Variants in GALNT17 observed in about 807,000 individuals in gnomAD.
GALNT17 encodes the protein polypeptide N-acetylgalactosaminyltransferase 17.
In GALNT17, 29 loss-of-function variants were observed where a neutral mutation model predicts 63.7. The ratio of observed to expected loss-of-function variants is 0.46; its 90% CI spans 0.34 to 0.62. The LOEUF (loss-of-function observed/expected upper bound fraction) is 0.62. Among genes scored for constraint, GALNT17 ranks in the 20% least tolerant of loss-of-function variants. The pLI is 0.01. For synonymous variants in GALNT17, 305 were observed against 318.3 expected, an observed-to-expected ratio of 0.96 and a Z score of 0.45; for missense variants, 603 against 799.6, an observed-to-expected ratio of 0.75 and a Z score of 2.97.
At chr7:71,524,244 AAT>A (rs1788586916) in intron 5 of GALNT17, among the ~76,000 whole-genome samples, 2 of 147,290 alleles carry the variant, frequency 1.4e-5, no homozygotes, top group Admixed American at 6.8e-5. Context: ...TATATATAAT[AAT>A]AATATATATT....
chr7:71,386,446 C>T (rs754915215), intron 2 of GALNT17, among the ~76,000 whole-genome samples: 2 of 152,096 alleles, frequency 1.3e-5, no homozygotes, highest in African/African-American at 2.4e-5. Flanking sequence ...GCAGGTACCT[C>T]GGCACTCCAT....
intron 1 of GALNT17, among the ~76,000 whole-genome samples, chr7:71,328,806 A>T (rs1396715887): frequency 6.6e-6 from 1 of 152,134 alleles, no homozygotes; most frequent in Non-Finnish European, 1.5e-5. Flanking sequence ...TGCCTTTCAT[A>T]ATGGAAGCAA....
rs764435149 is a variant in GALNT17, at chr7:71,712,137, C to T, written c.1788C>T (p.Ser596=). ...CTGQRWTIKN[S]IK is the part of the protein sequence containing the mutation. ...GTCAGAGGTGGACCATTAAGAACTCCATCAAGTAGAGGGAGGGAGCTGGGG... is the reference window on the plus strand; with the variant it reads ...GTCAGAGGTGGACCATTAAGAACTCTATCAAGTAGAGGGAGGGAGCTGGGG... Residue 596 remains serine (S), a synonymous_variant, in exon 11 of 11, where the codon TCC becomes TCT. Transcript: ENST00000333538. 3 of 1,613,078 alleles carry T rather than the reference C, an allele frequency of 1.9e-6. No homozygotes were observed. The highest frequency in any genetic ancestry group is 2.2e-5 in the South Asian group (2 of 90,970).
intron 1 of GALNT17, among the ~76,000 whole-genome samples, chr7:71,161,844 A>T (rs1415511151): frequency 6.6e-6 from 1 of 152,044 alleles, no homozygotes; most frequent in East Asian, 1.9e-4. Flanking sequence ...TGAGGTGTCT[A>T]TTCTGTTTCA....
chr7:71,318,856 A>G (rs1314599761), intron 1 of GALNT17, among the ~76,000 whole-genome samples: 2 of 152,170 alleles, frequency 1.3e-5, no homozygotes, highest in Non-Finnish European at 2.9e-5. Context: ...AGAACAATAA[A>G]TTCAGTACGG....
chr7:71,593,498 A>C, intron 6 of GALNT17, among the ~76,000 whole-genome samples: 1 of 152,008 alleles, frequency 6.6e-6, no homozygotes, highest in East Asian at 1.9e-4. Flanking sequence ...TCTCTTGACC[A>C]CGTGATCTGC....
At chr7:71,607,849 C>A (rs776214371) in intron 6 of GALNT17, among the ~76,000 whole-genome samples, 1 of 152,140 alleles carries the variant, frequency 6.6e-6, no homozygotes, top group Non-Finnish European at 1.5e-5. Flanking sequence ...TTCCTTCTTC[C>A]TTCTTGATGG....
At chr7:71,260,614 T>C (rs1371637795) in intron 1 of GALNT17, among the ~76,000 whole-genome samples, 1 of 151,510 alleles carries the variant, frequency 6.6e-6, no homozygotes, top group Non-Finnish European at 1.5e-5. Context: ...TTTTAATCTT[T>C]TTTTTTTTGA....
intron 4 of GALNT17, among the ~76,000 whole-genome samples, chr7:71,417,324 A>G (rs892633831): frequency 1.4e-4 from 21 of 152,308 alleles, no homozygotes; most frequent in African/African-American, 4.8e-4. Context: ...ACCCAGGGCC[A>G]CTGATAACAC....
At chr7:71,617,840 T>G (rs758579895) in intron 6 of GALNT17, among the ~76,000 whole-genome samples, 1 of 151,930 alleles carries the variant, frequency 6.6e-6, no homozygotes, top group Admixed American at 6.6e-5. Context: ...AGAGACAGGA[T>G]TTCACCATAT....
chr7:71,649,059 C>T (rs1211233769), intron 6 of GALNT17, among the ~76,000 whole-genome samples: 2 of 152,228 alleles, frequency 1.3e-5, no homozygotes, highest in African/African-American at 4.8e-5. Context: ...GTTCTGCCCC[C>T]ATTACCCAGC....
At chr7:71,142,570 A>G (rs1447146997) in intron 1 of GALNT17, among the ~76,000 whole-genome samples, 1 of 152,230 alleles carries the variant, frequency 6.6e-6, no homozygotes, top group Non-Finnish European at 1.5e-5. Flanking sequence ...AGGTGCAGAG[A>G]TCATGCTTAC....
At chr7:71,541,044 G>C (rs894239017) in intron 5 of GALNT17, among the ~76,000 whole-genome samples, 3 of 151,984 alleles carry the variant, frequency 2.0e-5, no homozygotes, top group Admixed American at 2.0e-4. Flanking sequence ...TTTGAGACCA[G>C]CCTGGCCAAT....
intron 6 of GALNT17, among the ~76,000 whole-genome samples, chr7:71,609,577 T>A (rs1343351225): frequency 2.6e-5 from 4 of 152,214 alleles, no homozygotes; most frequent in Non-Finnish European, 5.9e-5. Context: ...GGTGTATATA[T>A]TTATGGGGTA....
At chr7:71,531,083 T>C (rs1301620331) in intron 5 of GALNT17, among the ~76,000 whole-genome samples, 1 of 152,196 alleles carries the variant, frequency 6.6e-6, no homozygotes, top group African/African-American at 2.4e-5. Flanking sequence ...TGTATTTTTA[T>C]TAAAATATTT....
At chr7:71,710,369 G>A (rs1030887595) in intron 9 of GALNT17, among the ~76,000 whole-genome samples, 1 of 152,166 alleles carries the variant, frequency 6.6e-6, no homozygotes, top group Non-Finnish European at 1.5e-5. Context: ...TTAGCCGTGT[G>A]TGGTGGTGCG....
chr7:71,694,050 G>T (rs1255080713), intron 9 of GALNT17, among the ~76,000 whole-genome samples: 1 of 152,104 alleles, frequency 6.6e-6, no homozygotes, highest in African/African-American at 2.4e-5. Flanking sequence ...ACAGTTCCAC[G>T]TGGCTGGGGA....
intron 2 of GALNT17, among the ~76,000 whole-genome samples, chr7:71,368,992 C>G (rs898790996): frequency 6.6e-6 from 1 of 151,990 alleles, no homozygotes; most frequent in African/African-American, 2.4e-5. Context: ...AATAAAGTCA[C>G]CATCCTCAGC....
chr7:71,578,117 A>G (rs1481232643), intron 6 of GALNT17, among the ~76,000 whole-genome samples: 1 of 151,384 alleles, frequency 6.6e-6, no homozygotes. Flanking sequence ...GCTCACTGCA[A>G]CCTCTGCCTC....
Sources: gnomAD v4.1 joint callset for allele counts (sites outside exome capture counted in the v4.1 genomes callset) on GRCh38, gnomAD v4.1.1 for gene constraint, MANE v1.5 for transcripts, NCBI Gene and HGNC (gene_info 2026-07-23, HGNC 2026-07-21) for gene names.